Variants in RGS7 observed in about 807,000 individuals in gnomAD.
The protein encoded by RGS7 is regulator of G-protein signaling 7.
RGS7 carries 27 observed loss-of-function variants against 81.1 expected under a neutral mutation model. That is an observed-to-expected ratio of 0.33 (90% CI 0.25 to 0.46). RGS7 has a LOEUF of 0.46. Ranked by LOEUF, RGS7 falls within the 20% of genes least tolerant of loss-of-function variation. RGS7 has a pLI of 1.00. For synonymous variants in RGS7, 208 were observed against 207.7 expected, an observed-to-expected ratio of 1.00 and a Z score of -0.01; for missense variants, 396 against 607.4, an observed-to-expected ratio of 0.65 and a Z score of 3.66.
chr1:240,868,915 G>A lies in RGS7; in HGVS notation c.451-63C>T. On this transcript the variant is annotated intron_variant, in intron 7 of 18. Transcript: ENST00000440928. This position sits in a 1 kb window ranked among gnomAD's most constrained non-coding sequence, Gnocchi z 5.1. ...ATTGTCACTGCTCTCTTCTAGCTTA[G>A]TTACCACTTGTATTTGTCAAGGAAA... 1 of 1,410,046 alleles carries A rather than the reference G, an allele frequency of 7.1e-7. No individual in the cohort carries two copies. Among genetic ancestry groups the A allele is most frequent in the Non-Finnish European group, 1.0e-6 (1 of 994,098 alleles). 87.3% of individuals were successfully genotyped at this position (1,410,046 alleles called of 1,614,324 possible).
chr1:240,778,556 C>T (rs1256132944), intron 18 of RGS7, among the ~76,000 whole-genome samples: 1 of 152,092 alleles, frequency 6.6e-6, no homozygotes, highest in African/African-American at 2.4e-5. Context: ...TTTTTTGAGA[C>T]GGAGTCTCAC....
chr1:240,915,103 T>C (rs1394016590), intron 6 of RGS7, among the ~76,000 whole-genome samples: 2 of 152,058 alleles, frequency 1.3e-5, no homozygotes, highest in African/African-American at 4.8e-5. Context: ...TCCTAATGCT[T>C]CCAACAAGGA....
Position 241,246,505 on chromosome 1 carries a change from C to T in RGS7, c.78+109194G>A, listed in dbSNP as rs986329740. Among the ~76,000 whole-genome samples the T allele has an allele frequency of 7.2e-5, 11 of 152,102 alleles. No individual in the cohort carries two copies. The East Asian group carries it at 9.7e-4, about 13-fold the overall frequency. On this transcript the variant is annotated intron_variant, in intron 2 of 18. Coordinates refer to ENST00000440928, the MANE Select transcript of RGS7 (RefSeq NM_001364886.1). Reference sequence around the variant, plus strand: ...GGAGAGATCCATTCCAGTACTAATACGAAGTTTAAGAAGGCATGTGTTAAA... The same window carrying T: ...GGAGAGATCCATTCCAGTACTAATATGAAGTTTAAGAAGGCATGTGTTAAA...
In RGS7 at chr1:241,041,542, A is replaced by C. The variant is rs558874473; in HGVS notation, c.175+57124T>G. 5.7e-4 allele frequency among the ~76,000 whole-genome samples: 87 copies of C among 152,258 alleles called. 1 individual carries two copies. Among genetic ancestry groups the C allele is most frequent in the Non-Finnish European group, 9.0e-4 (61 of 68,026 alleles). ...TTGACAGTAAGCTCCAAATGCTGAC[A>C]TTTGCTGAAGTAAAAATTCTCCCTG... On this transcript the variant is annotated intron_variant, in intron 3 of 18. Coordinates refer to ENST00000440928, the MANE Select transcript of RGS7 (RefSeq NM_001364886.1).
At chr1:240,822,085 A>T (rs1401239043) in intron 10 of RGS7, among the ~76,000 whole-genome samples, 1 of 152,194 alleles carries the variant, frequency 6.6e-6, no homozygotes, top group East Asian at 1.9e-4. Flanking sequence ...TGGGATTAAC[A>T]TTTAAATCAA....
intron 3 of RGS7, among the ~76,000 whole-genome samples, chr1:241,086,636 T>TG (rs1489901103): frequency 6.6e-6 from 1 of 151,400 alleles, no homozygotes. Context: ...GGAATATGTT[T>TG]GGAAAAAAAA....
intron 9 of RGS7, among the ~76,000 whole-genome samples, chr1:240,841,968 T>C (rs1658096302): frequency 6.6e-6 from 1 of 152,118 alleles, no homozygotes; most frequent in Admixed American, 6.5e-5. Context: ...CTTTAAGCCT[T>C]GGTGTCTCTT....
chr1:241,194,568 C>A (rs189878466), intron 2 of RGS7, among the ~76,000 whole-genome samples: 1 of 152,170 alleles, frequency 6.6e-6, no homozygotes, highest in East Asian at 1.9e-4. Context: ...AATGAATAAT[C>A]TAAAAAAACT....
Position 240,806,256 on chromosome 1 carries a change from A to G in RGS7, c.1153T>C (p.Trp385Arg), listed in dbSNP as rs1377093756. 1 of 1,613,914 alleles carries G rather than the reference A, an allele frequency of 6.2e-7. No homozygotes were observed. Among genetic ancestry groups the G allele is most frequent in the Non-Finnish European group, 8.5e-7 (1 of 1,179,976 alleles). Residue 385 changes from tryptophan to arginine, a missense_variant, in exon 15 of 19, where the codon TGG becomes CGG. Physicochemically the swap from Trp to Arg is moderately radical, Grantham distance 101 (BLOSUM62 -3). Coordinates refer to ENST00000440928, the MANE Select transcript of RGS7 (RefSeq NM_001364886.1). ...KEVPSRVQEI[W>R]QEFLAPGAPS... The stretch of plus-strand genomic sequence containing the variant: ...GCTCCGGGAGCCAGAAACTCTTGCC[A>G]TATTTCCTGAACTCTTGAGGGTACT...
At chr1:241,142,815 G>A (rs2068030653) in intron 2 of RGS7, among the ~76,000 whole-genome samples, 1 of 152,132 alleles carries the variant, frequency 6.6e-6, no homozygotes, top group Admixed American at 6.5e-5. Context: ...TCAGAAAACG[G>A]GATTTTCTTT....
Position 240,823,319 on chromosome 1 carries a change from G to T in RGS7, c.684+3779C>A, listed in dbSNP as rs527696987. 4 of 571,744 alleles carry T rather than the reference G, an allele frequency of 7.0e-6. No homozygotes were observed. The Admixed American group carries it at 7.1e-5, about 10-fold the overall frequency. 35.4% of individuals were successfully genotyped at this position (571,744 alleles called of 1,614,324 possible). A position where few individuals can be genotyped will look rare whatever the true frequency, so the allele number is the denominator to read the frequency against. Reference sequence around the variant, plus strand: ...TAAATGCCAATGGATACATCAACTGGAAGATTAGCTACTACTTGTTCTGGA... The same window carrying T: ...TAAATGCCAATGGATACATCAACTGTAAGATTAGCTACTACTTGTTCTGGA... On this transcript the variant is annotated intron_variant, in intron 10 of 18. Transcript: ENST00000440928.
intron 2 of RGS7, among the ~76,000 whole-genome samples, chr1:241,161,056 C>A (rs1572938085): frequency 8.6e-6 from 1 of 116,396 alleles, no homozygotes; most frequent in African/African-American, 4.8e-5. Context: ...AACACCCAAA[C>A]CACCTGTAGA....
At chr1:241,321,823 A>G (rs1411944728) in intron 2 of RGS7, among the ~76,000 whole-genome samples, 1 of 152,206 alleles carries the variant, frequency 6.6e-6, no homozygotes, top group South Asian at 2.1e-4. Flanking sequence ...ACTGATTGAC[A>G]GTGTATAATT....
intron 9 of RGS7, among the ~76,000 whole-genome samples, chr1:240,831,567 A>G (rs2147823116): frequency 6.6e-6 from 1 of 152,074 alleles, no homozygotes; most frequent in African/African-American, 2.4e-5. Context: ...AGAATATGGG[A>G]GCATAATGAC....
intron 6 of RGS7, among the ~76,000 whole-genome samples, chr1:240,909,732 A>G (rs915033901): frequency 2.0e-5 from 3 of 152,220 alleles, no homozygotes; most frequent in African/African-American, 7.2e-5. Flanking sequence ...GCATTTAAGA[A>G]TATCAAGTAT....
Position 240,811,547 on chromosome 1 carries a change from G to A in RGS7, c.1082+371C>T, listed in dbSNP as rs564582373. On this transcript the variant is annotated intron_variant, in intron 14 of 18. Coordinates refer to ENST00000440928, the MANE Select transcript of RGS7 (RefSeq NM_001364886.1). ...ACTTGCTTGAGAAGTGATACGCAAA[G>A]ATAGTCAACAATGACAAATAGGTGA... Among the ~76,000 whole-genome samples the A allele has an allele frequency of 3.9e-5, 6 of 152,334 alleles. No individual in the cohort carries two copies. In the East Asian group the frequency reaches 9.6e-4, roughly 24 times the overall value.
At chr1:241,195,159 A>G (rs1387824630) in intron 2 of RGS7, among the ~76,000 whole-genome samples, 1 of 152,330 alleles carries the variant, frequency 6.6e-6, no homozygotes, top group Non-Finnish European at 1.5e-5. Flanking sequence ...ATGACACTCA[A>G]TGAAAAATTA....
At chr1:241,227,931 C>T (rs996342240) in intron 2 of RGS7, among the ~76,000 whole-genome samples, 18 of 152,172 alleles carry the variant, frequency 1.2e-4, no homozygotes, top group African/African-American at 3.9e-4. Context: ...TGTGACCTTG[C>T]CATTCCTCCA....
chr1:240,932,556 T>G (rs1231619766), intron 5 of RGS7, among the ~76,000 whole-genome samples: 1 of 142,754 alleles, frequency 7.0e-6, no homozygotes, highest in Non-Finnish European at 1.5e-5. Context: ...TTGCCCAGGC[T>G]GGAGTGCAGT....
Sources: allele counts gnomAD v4.1 joint callset (sites outside exome capture counted in the v4.1 genomes callset), GRCh38; gene constraint gnomAD v4.1.1; non-coding constraint Gnocchi (gnomAD v3.1); transcripts MANE v1.5; gene names NCBI Gene and HGNC (gene_info 2026-07-23, HGNC 2026-07-21).